Variants in ITGB5 observed in about 807,000 individuals in gnomAD.
ITGB5 encodes integrin subunit beta 5.
ITGB5 carries 38 observed loss-of-function variants against 84.8 expected under a neutral mutation model. That is an observed-to-expected ratio of 0.45 (90% CI 0.35 to 0.59). The LOEUF is 0.59. ITGB5 is among the 20% of genes least tolerant of loss of function. ITGB5 has a pLI of 0.01. For synonymous variants in ITGB5, 393 were observed against 414.4 expected (o/e 0.95, Z 0.63); for missense variants, 905 against 1,034.5 (o/e 0.87, Z 1.72).
intron 3 of ITGB5, 130 bp downstream of exon 3, chr3:124,859,112 C>A: frequency 1.2e-6 from 1 of 814,532 alleles, no homozygotes; most frequent in Non-Finnish European, 2.0e-6. Flanking sequence ...CTGAGCCTTG[C>A]CTCCCCATCA....
intron 2 of ITGB5, among the ~76,000 whole-genome samples, chr3:124,861,481 CAT>C (rs771303161): frequency 0.18 from 21,222 of 117,340 alleles, 1,904 homozygotes; most frequent in Admixed American, 0.21. Context: ...CAAAACAAAA[CAT>C]ATATATATAT....
intron 13 of ITGB5, among the ~76,000 whole-genome samples, chr3:124,765,249 C>G (rs918850755): frequency 6.6e-6 from 1 of 152,224 alleles, no homozygotes; most frequent in Non-Finnish European, 1.5e-5. Flanking sequence ...ATCAGATATT[C>G]CAGTTACTCC....
intron 8 of ITGB5, among the ~76,000 whole-genome samples, chr3:124,811,560 C>G (rs1553759193): frequency 6.6e-6 from 1 of 152,054 alleles, no homozygotes; most frequent in Non-Finnish European, 1.5e-5. Context: ...AAGATCTGCC[C>G]AAGCCGCCAC....
chr3:124,772,877 C>G (rs2063866851), intron 11 of ITGB5, among the ~76,000 whole-genome samples: 1 of 150,434 alleles, frequency 6.6e-6, no homozygotes, highest in South Asian at 2.1e-4. Context: ...TCTGGCATGC[C>G]TTATCTAGGT....
intron 4 of ITGB5, among the ~76,000 whole-genome samples, chr3:124,847,514 C>T (rs1013943673): frequency 1.2e-4 from 18 of 152,194 alleles, no homozygotes; most frequent in Admixed American, 3.9e-4. Flanking sequence ...AGTCCTGTTC[C>T]GTCTAATAGC....
chr3:124,896,199 A>G (rs1156391198), intron 1 of ITGB5, among the ~76,000 whole-genome samples: 1 of 152,220 alleles, frequency 6.6e-6, no homozygotes, highest in Non-Finnish European at 1.5e-5. Flanking sequence ...AGAGGCCTCC[A>G]TCAGCTTCCT....
At chr3:124,817,282 TG>T (rs1199159306) in intron 8 of ITGB5, among the ~76,000 whole-genome samples, 1 of 152,140 alleles carries the variant, frequency 6.6e-6, no homozygotes, top group Non-Finnish European at 1.5e-5. Flanking sequence ...GCCTGGGCAC[TG>T]GGTAGGTGGA....
At chr3:124,823,706 C>T (rs1386350053) in intron 5 of ITGB5, among the ~76,000 whole-genome samples, 1 of 150,894 alleles carries the variant, frequency 6.6e-6, no homozygotes, top group Non-Finnish European at 1.5e-5. Flanking sequence ...GAGTTAAAAC[C>T]TATTAAATAA....
chr3:124,819,716 A>T, intron 7 of ITGB5, 23 bp downstream of exon 7: 1 of 1,524,128 alleles, frequency 6.6e-7, no homozygotes, highest in Non-Finnish European at 9.1e-7. Flanking sequence ...ACAAATCACT[A>T]GCCTCCCTCC....
At chr3:124,778,956 T>C (rs181598331) in intron 10 of ITGB5, among the ~76,000 whole-genome samples, 1 of 152,098 alleles carries the variant, frequency 6.6e-6, no homozygotes, top group East Asian at 1.9e-4. Context: ...TCAGTTCAGA[T>C]CCCTGGGTCA....
chr3:124,892,190 T>C (rs1407732446), upstream of ITGB5, among the ~76,000 whole-genome samples: 1 of 151,948 alleles, frequency 6.6e-6, no homozygotes, highest in Non-Finnish European at 1.5e-5. Flanking sequence ...TAAATTAATG[T>C]GTAAATACTT....
intron 8 of ITGB5, 132 bp from the exon 9 acceptor site, chr3:124,809,288 G>A (rs1260508654): frequency 2.7e-5 from 25 of 926,448 alleles, no homozygotes; most frequent in Non-Finnish European, 8.2e-6. Flanking sequence ...GAGCCAGTGA[G>A]CTTGGTTCCC....
chr3:124,783,128 T>A (rs1346360002), intron 10 of ITGB5, among the ~76,000 whole-genome samples: 1 of 151,484 alleles, frequency 6.6e-6, no homozygotes, highest in Non-Finnish European at 1.5e-5. Context: ...CCATCTCTAC[T>A]AAAAATACAA....
At chr3:124,841,624 A>T in intron 4 of ITGB5, 73 bp from the exon 5 acceptor site, 1 of 1,495,180 alleles carries the variant, frequency 6.7e-7, no homozygotes, top group Non-Finnish European at 9.2e-7. Context: ...CTGAGCATTC[A>T]CTGAGTGCCT....
intron 5 of ITGB5, among the ~76,000 whole-genome samples, chr3:124,824,995 G>A (rs543416709): frequency 6.6e-4 from 101 of 152,162 alleles, no homozygotes; most frequent in Admixed American, 7.9e-4. Context: ...TCAGAAGATC[G>A]AGACCATCCT....
At chr3:124,842,750 C>T (rs2065027073) in intron 4 of ITGB5, among the ~76,000 whole-genome samples, 1 of 152,226 alleles carries the variant, frequency 6.6e-6, no homozygotes, top group Admixed American at 6.5e-5. Context: ...AGAAAACAGC[C>T]TTAGCAACAG....
intron 10 of ITGB5, among the ~76,000 whole-genome samples, chr3:124,794,138 C>T (rs1161700617): frequency 6.6e-6 from 1 of 152,228 alleles, no homozygotes; most frequent in African/African-American, 2.4e-5. Flanking sequence ...GGAGGGAGCC[C>T]TGGAAACCAC....
Position 124,809,028 on chromosome 3 carries a change from C to A in ITGB5, c.1257G>T (p.Gly419=). 14 of 1,613,926 alleles carry A rather than the reference C, an allele frequency of 8.7e-6. No individual in the cohort carries two copies. Among genetic ancestry groups the A allele is most frequent in the Non-Finnish European group, 1.2e-5 (14 of 1,179,946 alleles). Residue 419 remains glycine (G), a synonymous_variant, in exon 9 of 15, where the codon GGG becomes GGT. Transcript: ENST00000296181. The stretch of plus-strand genomic sequence containing the variant: ...AACTTGGGGTGAGACTTACCGTGTC[C>A]CCAATCTTCAGACCCTCACACTTCC... The part of the protein sequence containing the change: ...GQRKCEGLKI[G]DTASFEVSLE...
intron 2 of ITGB5, among the ~76,000 whole-genome samples, chr3:124,873,157 G>A (rs572118977): frequency 6.6e-6 from 1 of 152,228 alleles, no homozygotes; most frequent in South Asian, 2.1e-4. Flanking sequence ...TTATACCAAA[G>A]ATCAGAAAAC....
Sources: gnomAD v4.1 joint callset for allele counts (sites outside exome capture counted in the v4.1 genomes callset) on GRCh38, gnomAD v4.1.1 for gene constraint, MANE v1.5 for transcripts, NCBI Gene and HGNC (gene_info 2026-07-23, HGNC 2026-07-21) for gene names.